Variants in ROCK1 observed in about 807,000 individuals in gnomAD.
ROCK1 encodes the protein rho-associated protein kinase 1.
ROCK1 carries 36 observed loss-of-function variants against 196.8 expected under a neutral mutation model. The ratio of observed to expected loss-of-function variants is 0.18; its 90% confidence interval spans 0.14 to 0.24. ROCK1 has a LOEUF of 0.24. Ranked by LOEUF, ROCK1 falls within the 10% of genes least tolerant of loss-of-function variation. The pLI is 1.00. For missense variants in ROCK1, 920 were observed against 1,562.0 expected (o/e 0.59, Z 6.93); for synonymous variants, 443 against 515.9 (o/e 0.86, Z 1.91).
intron 1 of ROCK1, among the ~76,000 whole-genome samples, chr18:21,095,868 T>C (rs1294283562): frequency 1.3e-5 from 2 of 152,160 alleles, no homozygotes; most frequent in East Asian, 3.9e-4. Flanking sequence ...ACACAAAGGA[T>C]AAATGCTTGA....
chr18:21,074,922 G>A lies in ROCK1; in HGVS notation c.94-4309C>T, dbSNP rs188465748. Among the ~76,000 whole-genome samples, 3 of 152,296 alleles carry A rather than the reference G, an allele frequency of 2.0e-5. No homozygotes were observed. In the East Asian group the frequency reaches 5.8e-4, roughly 29 times the overall value. On this transcript the variant is annotated intron_variant, in intron 1 of 32. Transcript: ENST00000399799. ...AGAATTATGAAGGAATAAGACAGAA[G>A]TGGGGCAAGGCAATCTAGAGGTGAA...
At chr18:21,063,311 A>G (rs574984954) in intron 2 of ROCK1, among the ~76,000 whole-genome samples, 1 of 152,324 alleles carries the variant, frequency 6.6e-6, no homozygotes, top group African/African-American at 2.4e-5. Flanking sequence ...ATAACCTGTG[A>G]TAAGTATACA....
rs138076881 is a variant in ROCK1 at position 20,985,049 on chromosome 18, C to T, written c.2305-514G>A. Among the ~76,000 whole-genome samples the T allele has an allele frequency of 1.3e-4, 20 of 151,284 alleles. No homozygotes were observed. In the East Asian group the frequency reaches 3.5e-3, roughly 26 times the overall value. ...CTACGAGTCAGAGGTTGCAGTGAGCCGAGATCACGCCACTGCACTCCAGCC... is the reference window on the plus strand; with the variant it reads ...CTACGAGTCAGAGGTTGCAGTGAGCTGAGATCACGCCACTGCACTCCAGCC... On this transcript the variant is annotated intron_variant, in intron 19 of 32. Coordinates refer to ENST00000399799, the MANE Select transcript of ROCK1 (RefSeq NM_005406.3).
chr18:21,081,366 C>T (rs2036481406), intron 1 of ROCK1, among the ~76,000 whole-genome samples: 1 of 151,540 alleles, frequency 6.6e-6, no homozygotes, highest in Non-Finnish European at 1.5e-5. Context: ...AAAATCAGTG[C>T]AAAGGAGGAA....
intron 22 of ROCK1, among the ~76,000 whole-genome samples, chr18:20,979,621 C>CA (rs937857674): frequency 5.1e-4 from 70 of 138,294 alleles, no homozygotes; most frequent in East Asian, 1.7e-3. Context: ...GACTCCATCT[C>CA]AAAAAAAAAA....
At chr18:21,037,101 G>GT (rs1313522776) in intron 9 of ROCK1, among the ~76,000 whole-genome samples, 2 of 152,116 alleles carry the variant, frequency 1.3e-5, no homozygotes, top group Non-Finnish European at 2.9e-5. Context: ...ATGACCTGTA[G>GT]TAAGTTATTT....
Position 21,006,385 on chromosome 18 carries a change from T to C in ROCK1, c.1851A>G (p.Arg617=). 6.2e-7 allele frequency: 1 copy of C among 1,613,158 alleles called. No individual in the cohort carries two copies. The highest frequency in any genetic ancestry group is 8.5e-7 in the Non-Finnish European group (1 of 1,179,926). Residue 617 remains arginine, a synonymous_variant, in exon 16 of 33, where the codon AGA becomes AGG. Transcript: ENST00000399799. The stretch of plus-strand genomic sequence containing the variant: ...CTCCAATCATCTCAGAATCATGACC[T>C]CTGTCTCTTCGTTCAGCTTCTAATA... ...QAILEAERRD[R]GHDSEMIGDL...
At chr18:21,045,024 GTTTTT>G (rs74173710) in intron 5 of ROCK1, 60 of 153,166 alleles carry the variant, frequency 3.9e-4, no homozygotes, top group African/African-American at 9.1e-4. Flanking sequence ...CCACACCTGT[GTTTTT>G]TTTTTTTTTT....
intron 2 of ROCK1, among the ~76,000 whole-genome samples, chr18:21,051,668 G>A (rs945343125): frequency 3.9e-5 from 6 of 152,098 alleles, no homozygotes; most frequent in Admixed American, 6.5e-5. Context: ...ACCGAAAACC[G>A]TTTTCACATT....
chr18:21,003,331 C>T (rs185960926), intron 16 of ROCK1, among the ~76,000 whole-genome samples: 2 of 152,026 alleles, frequency 1.3e-5, no homozygotes, highest in East Asian at 1.9e-4. Context: ...ACTTAAGGGA[C>T]GTATTAATGA....
chr18:21,088,818 G>A (rs2036547811), intron 1 of ROCK1, among the ~76,000 whole-genome samples: 1 of 152,032 alleles, frequency 6.6e-6, no homozygotes, highest in Admixed American at 6.5e-5. Flanking sequence ...CCTTCTGGAG[G>A]ATGCAGCTTT....
chr18:21,012,928 T>C (rs2035831414), intron 13 of ROCK1, among the ~76,000 whole-genome samples: 2 of 152,340 alleles, frequency 1.3e-5, no homozygotes, highest in South Asian at 4.1e-4. Flanking sequence ...ACACCATCTA[T>C]TGAGACTTTT....
intron 8 of ROCK1, among the ~76,000 whole-genome samples, chr18:21,040,186 A>G (rs2036093000): frequency 6.6e-6 from 1 of 152,218 alleles, no homozygotes. Context: ...TTTTCTTGAC[A>G]GTTTTTTGTG....
At chr18:21,060,606 G>A (rs560510244) in intron 2 of ROCK1, among the ~76,000 whole-genome samples, 3 of 152,256 alleles carry the variant, frequency 2.0e-5, no homozygotes, top group East Asian at 3.9e-4. Context: ...TTGGGAGGCC[G>A]AGGCAGACAG....
rs770493431 is a variant in ROCK1 at position 21,023,673 on chromosome 18, A to G, written c.1219T>C (p.Ser407Pro). The G allele has an allele frequency of 3.4e-5, 53 of 1,571,462 alleles. 1 individual carries two copies. The South Asian group carries it at 4.7e-4, about 14-fold the overall frequency. The change falls in exon 11 of 33, where the codon TCT becomes CCT. Residue 407 changes from serine to proline, a missense_variant. Coordinates refer to ENST00000399799, the MANE Select transcript of ROCK1 (RefSeq NM_005406.3). ...FTYYSNRRYL[S>P]SANPNDNRTS... ...CTGTTATCATTAGGATTTGCTGAAG[A>G]TAAGTATCTGAGGGAAAGAAAAGTT...
chr18:20,951,514 T>C (rs2035187589), intron 32 of ROCK1, 127 bp from the exon 33 acceptor site: 2 of 658,870 alleles, frequency 3.0e-6, no homozygotes, highest in African/African-American at 1.9e-5. Context: ...TTACACAAAA[T>C]TTGGAAAACA....
At chr18:21,003,947 T>TA (rs1043548841) in intron 16 of ROCK1, among the ~76,000 whole-genome samples, 30 of 152,140 alleles carry the variant, frequency 2.0e-4, no homozygotes, top group Non-Finnish European at 2.4e-4. Context: ...ATGGTTAATT[T>TA]AAAAAAATTG....
At chr18:20,956,184 A>G (rs2035240168) in intron 29 of ROCK1, among the ~76,000 whole-genome samples, 3 of 152,180 alleles carry the variant, frequency 2.0e-5, no homozygotes, top group Non-Finnish European at 4.4e-5. Context: ...AGAGTGAAAG[A>G]GAAAGAGAGA....
intron 1 of ROCK1, among the ~76,000 whole-genome samples, chr18:21,081,706 T>C (rs2036483991): frequency 6.6e-6 from 1 of 152,050 alleles, no homozygotes; most frequent in Non-Finnish European, 1.5e-5. Context: ...TACAAATAAT[T>C]GTAATAGAAT....
Sources: gnomAD v4.1 joint callset for allele counts (sites outside exome capture counted in the v4.1 genomes callset) on GRCh38, gnomAD v4.1.1 for gene constraint, MANE v1.5 for transcripts, NCBI Gene and HGNC (gene_info 2026-07-23, HGNC 2026-07-21) for gene names.